The following STK3 variants were observed in gnomAD, a reference collection of about 807,000 sequenced individuals.
STK3 encodes the protein serine/threonine-protein kinase 3.
A neutral mutation model predicts 58.0 loss-of-function variants in STK3; 41 were observed. That is an observed-to-expected ratio of 0.71 (90% CI 0.55 to 0.92). The LOEUF (loss-of-function observed/expected upper bound fraction) is 0.92. Ranked by LOEUF, STK3 falls within the 40% of genes least tolerant of loss-of-function variation. STK3 has a pLI of 0.00. For synonymous variants in STK3, 170 were observed against 191.0 expected, an observed-to-expected ratio of 0.89 and a Z score of 0.91; for missense variants, 479 against 602.7, an observed-to-expected ratio of 0.79 and a Z score of 2.15.
chr8:98,466,240 T>C (rs1467498839), intron 10 of STK3, among the ~76,000 whole-genome samples: 1 of 152,166 alleles, frequency 6.6e-6, no homozygotes, highest in African/African-American at 2.4e-5. Flanking sequence ...ATCACAAACA[T>C]TACAAAAACA....
At chr8:98,918,186 C>T (rs532528622) in intron 1 of STK3, among the ~76,000 whole-genome samples, 17 of 152,222 alleles carry the variant, frequency 1.1e-4, no homozygotes, top group Non-Finnish European at 2.1e-4. Context: ...GAAGAGATAA[C>T]GTGTATGAAT....
At chr8:98,824,611 C>T (rs1425783553) in intron 1 of STK3, among the ~76,000 whole-genome samples, 1 of 152,164 alleles carries the variant, frequency 6.6e-6, no homozygotes, top group Non-Finnish European at 1.5e-5. Flanking sequence ...ACGACCCCCC[C>T]TTTTTTTCAC....
chr8:98,515,522 G>A (rs1404971924), intron 10 of STK3, among the ~76,000 whole-genome samples: 1 of 152,070 alleles, frequency 6.6e-6, no homozygotes, highest in Non-Finnish European at 1.5e-5. Context: ...CCCAGAGTTT[G>A]GATTCAGTGC....
At chr8:98,844,789 A>G (rs765254907) in intron 3 of STK3, among the ~76,000 whole-genome samples, 8 of 152,160 alleles carry the variant, frequency 5.3e-5, no homozygotes, top group Non-Finnish European at 8.8e-5. Context: ...AAGAATGTCA[A>G]TGATTATTGC....
At chr8:98,345,099 A>G in the STK3 span, among the ~76,000 whole-genome samples, 1 of 151,874 alleles carries the variant, frequency 6.6e-6, no homozygotes, top group South Asian at 2.1e-4. Context: ...TGAAAATCCT[A>G]GGTGTCTCTG....
At chr8:98,540,831 T>A (rs1445975362) in intron 9 of STK3, among the ~76,000 whole-genome samples, 1 of 152,150 alleles carries the variant, frequency 6.6e-6, no homozygotes, top group African/African-American at 2.4e-5. Flanking sequence ...AGAAGCTATA[T>A]GCCTGCTAGT....
chr8:98,552,811 T>C (rs1811282476), intron 8 of STK3, among the ~76,000 whole-genome samples: 1 of 143,374 alleles, frequency 7.0e-6, no homozygotes, highest in Non-Finnish European at 1.6e-5. Context: ...AGGTACTTGA[T>C]AAATATTTAT....
downstream of STK3, among the ~76,000 whole-genome samples, chr8:98,398,196 G>A (rs1817911889): frequency 6.6e-6 from 1 of 152,184 alleles, no homozygotes; most frequent in Admixed American, 6.5e-5. Context: ...AGTGGTTGGG[G>A]TGGATGGGGA....
intron 7 of STK3, among the ~76,000 whole-genome samples, chr8:98,580,981 T>C (rs987537226): frequency 2.0e-5 from 3 of 152,232 alleles, no homozygotes; most frequent in Admixed American, 6.5e-5. Flanking sequence ...AGAACAGTTA[T>C]AGATTAATCT....
chr8:98,914,182 T>C (rs1200801405), intron 1 of STK3, among the ~76,000 whole-genome samples: 1 of 151,996 alleles, frequency 6.6e-6, no homozygotes, highest in Non-Finnish European at 1.5e-5. Context: ...CCAGGTGCGG[T>C]GGCTCACACC....
chr8:98,503,841 A>G (rs942833391), intron 10 of STK3, among the ~76,000 whole-genome samples: 6 of 152,186 alleles, frequency 3.9e-5, no homozygotes, highest in African/African-American at 7.2e-5. Flanking sequence ...CAATTTTGGA[A>G]TAAGTGTGAT....
chr8:98,550,060 C>T (rs927124069), intron 8 of STK3, among the ~76,000 whole-genome samples: 7 of 150,378 alleles, frequency 4.7e-5, no homozygotes, highest in Admixed American at 6.6e-5. Flanking sequence ...TGATTACGCA[C>T]GGAAATTCAT....
intron 1 of STK3, among the ~76,000 whole-genome samples, chr8:98,783,126 A>C (rs1431580721): frequency 6.6e-6 from 1 of 152,200 alleles, no homozygotes; most frequent in Non-Finnish European, 1.5e-5. Flanking sequence ...ACATATAGGC[A>C]TATCTCAGAG....
intron 6 of STK3, among the ~76,000 whole-genome samples, chr8:98,703,607 T>C (rs1825766979): frequency 6.6e-6 from 1 of 152,154 alleles, no homozygotes; most frequent in Non-Finnish European, 1.5e-5. Context: ...CCCATTTCCT[T>C]ACACTCTCTC....
the STK3 span, among the ~76,000 whole-genome samples, chr8:98,363,837 C>T: frequency 6.6e-6 from 1 of 152,200 alleles, no homozygotes; most frequent in East Asian, 1.9e-4. Context: ...CAGAGGAGGG[C>T]CTGAGGACCC....
At chr8:98,358,339 A>T in the STK3 span, among the ~76,000 whole-genome samples, 1 of 152,128 alleles carries the variant, frequency 6.6e-6, no homozygotes, top group African/African-American at 2.4e-5. Flanking sequence ...TACCCAATAA[A>T]AACATGCTGC....
intron 1 of STK3, among the ~76,000 whole-genome samples, chr8:98,803,183 T>A (rs1833675454): frequency 6.6e-6 from 1 of 152,232 alleles, no homozygotes; most frequent in South Asian, 2.1e-4. Flanking sequence ...TAAAATTTAT[T>A]TGCCTGATTC....
chr8:98,870,151 A>G (rs943872626), intron 3 of STK3, among the ~76,000 whole-genome samples: 1 of 152,132 alleles, frequency 6.6e-6, no homozygotes, highest in Non-Finnish European at 1.5e-5. Flanking sequence ...AGCTTCATCT[A>G]TGTCTCTACA....
chr8:98,699,894 G>T (rs1215104465), intron 6 of STK3, among the ~76,000 whole-genome samples: 1 of 152,176 alleles, frequency 6.6e-6, no homozygotes, highest in Non-Finnish European at 1.5e-5. Flanking sequence ...TCTCTTCAAA[G>T]CTGTCAGACA....
Sources: gnomAD v4.1 joint callset for allele counts (sites outside exome capture counted in the v4.1 genomes callset) on GRCh38, gnomAD v4.1.1 for gene constraint, MANE v1.5 for transcripts, NCBI Gene and HGNC (gene_info 2026-07-23, HGNC 2026-07-21) for gene names.